Variants in PALLD observed in about 807,000 individuals in gnomAD.
PALLD encodes palladin, cytoskeletal associated protein.
PALLD carries 61 observed loss-of-function variants against 123.5 expected under a neutral mutation model. The ratio of observed to expected loss-of-function variants is 0.49; its 90% CI spans 0.40 to 0.61. The LOEUF (loss-of-function observed/expected upper bound fraction) is 0.61, where lower values mean the gene tolerates loss of function less well. Ranked by LOEUF, PALLD falls within the 20% of genes least tolerant of loss-of-function variation. The pLI is 0.00. For missense variants in PALLD, 1,273 were observed against 1,377.0 expected (o/e 0.92, Z 1.20); for synonymous variants, 465 against 496.4 (o/e 0.94, Z 0.84).
chr4:168,593,781 C>A (rs1403435097), intron 2 of PALLD, among the ~76,000 whole-genome samples: 1 of 152,168 alleles, frequency 6.6e-6, no homozygotes, highest in African/African-American at 2.4e-5. Context: ...CCAAAAATCC[C>A]ATGTAAGTCC....
intron 17 of PALLD, among the ~76,000 whole-genome samples, chr4:168,921,074 A>G (rs17543365): frequency 0.012 from 1,760 of 152,232 alleles, 20 homozygotes; most frequent in South Asian, 0.054. Context: ...GTTTAAAGCA[A>G]AAGTTTTAAG....
chr4:168,868,799 CTA>C (rs1225927257), intron 10 of PALLD, among the ~76,000 whole-genome samples: 1 of 152,146 alleles, frequency 6.6e-6, no homozygotes, highest in Non-Finnish European at 1.5e-5. Flanking sequence ...AGGATACAGT[CTA>C]TGTTTTGAAA....
chr4:168,825,709 A>C (rs1440000286), intron 10 of PALLD, among the ~76,000 whole-genome samples: 2 of 151,228 alleles, frequency 1.3e-5, no homozygotes, highest in African/African-American at 4.8e-5. Context: ...CACCCTAAGC[A>C]GCTCCATTGC....
intron 1 of PALLD, among the ~76,000 whole-genome samples, chr4:168,500,423 A>G (rs1761277168): frequency 6.6e-6 from 1 of 151,938 alleles, no homozygotes; most frequent in African/African-American, 2.4e-5. Context: ...GAATGCAGTG[A>G]CCTGATCATC....
chr4:168,735,881 T>C (rs1429077555), intron 10 of PALLD, among the ~76,000 whole-genome samples: 1 of 152,192 alleles, frequency 6.6e-6, no homozygotes, highest in Non-Finnish European at 1.5e-5. Context: ...ACCTCCCACA[T>C]TTGCAAATTA....
chr4:168,822,920 T>C (rs564274720), intron 10 of PALLD, among the ~76,000 whole-genome samples: 3 of 152,188 alleles, frequency 2.0e-5, no homozygotes, highest in Admixed American at 6.5e-5. Context: ...AGCTTGTCTT[T>C]ATATCTAATG....
intron 1 of PALLD, among the ~76,000 whole-genome samples, chr4:168,500,186 G>T (rs1343127933): frequency 6.6e-6 from 1 of 152,182 alleles, no homozygotes; most frequent in Non-Finnish European, 1.5e-5. Flanking sequence ...CTTCCAAGCT[G>T]TTATGTAGGA....
intron 10 of PALLD, among the ~76,000 whole-genome samples, chr4:168,754,035 AG>A (rs1453645208): frequency 1.3e-5 from 2 of 152,246 alleles, no homozygotes; most frequent in African/African-American, 2.4e-5. Context: ...TTAAAAGAAA[AG>A]TCAGAAATCT....
At chr4:168,789,974 G>A (rs1395190267) in intron 10 of PALLD, among the ~76,000 whole-genome samples, 1 of 151,818 alleles carries the variant, frequency 6.6e-6, no homozygotes, top group Admixed American at 6.6e-5. Context: ...AAATTTAAAC[G>A]GTATCTTCCT....
intron 10 of PALLD, among the ~76,000 whole-genome samples, chr4:168,883,937 G>A (rs1279226688): frequency 8.6e-6 from 1 of 116,940 alleles, no homozygotes; most frequent in Non-Finnish European, 1.9e-5. Flanking sequence ...TTTTTTAATT[G>A]TGCAAACCAT....
chr4:168,849,470 G>A (rs561100229), intron 10 of PALLD, among the ~76,000 whole-genome samples: 47 of 152,270 alleles, frequency 3.1e-4, no homozygotes, highest in Non-Finnish European at 5.3e-4. Context: ...TGTATATTTT[G>A]GCACTGAAAC....
intron 2 of PALLD, among the ~76,000 whole-genome samples, chr4:168,606,343 C>T (rs542220669): frequency 7.2e-5 from 11 of 152,254 alleles, no homozygotes; most frequent in East Asian, 1.9e-4. Flanking sequence ...CTACTTGCCC[C>T]GCGTCAGCTG....
intron 2 of PALLD, among the ~76,000 whole-genome samples, chr4:168,589,461 A>G (rs1771181390): frequency 6.6e-6 from 1 of 152,134 alleles, no homozygotes; most frequent in Non-Finnish European, 1.5e-5. Flanking sequence ...TGCGACTATC[A>G]GTGCCTATAC....
intron 10 of PALLD, among the ~76,000 whole-genome samples, chr4:168,848,089 A>C (rs11724696): frequency 0.35 from 52,048 of 150,424 alleles, 9,978 homozygotes; most frequent in African/African-American, 0.5. Context: ...AAGTTCCTGG[A>C]GAGTGGTCCT....
intron 13 of PALLD, among the ~76,000 whole-genome samples, chr4:168,897,357 CTGAG>C (rs1755433731): frequency 6.6e-6 from 1 of 152,312 alleles, no homozygotes; most frequent in African/African-American, 2.4e-5. Context: ...TTTTTAAACA[CTGAG>C]TAACTTCTTT....
At chr4:168,564,659 G>C (rs1269481836) in intron 2 of PALLD, among the ~76,000 whole-genome samples, 1 of 152,056 alleles carries the variant, frequency 6.6e-6, no homozygotes, top group African/African-American at 2.4e-5. Context: ...TAAACCTATG[G>C]TAATAAAATA....
chr4:168,844,132 A>C lies in PALLD; in HGVS notation c.1965-46790A>C, dbSNP rs1396213800. 1 of 152,182 alleles carries C rather than the reference A, an allele frequency of 6.6e-6. No homozygotes were observed. The highest frequency in any genetic ancestry group is 1.5e-5 in the Non-Finnish European group (1 of 68,026). The allele number at this position is 152,182 out of a possible 1,614,324, so 9.4% of individuals were successfully genotyped here. ...GGAAAGTCACGTATCTGGTTGTGCA[A>C]ATCAAAGAGCTTTGACAGTTTGTTT... is the stretch of plus-strand genomic sequence containing the variant. On this transcript the variant is annotated intron_variant, in intron 10 of 21. Transcript: ENST00000505667. The surrounding 1 kb of genome is among the most constrained non-coding windows in gnomAD (Gnocchi z 4.5).
At chr4:168,532,185 G>A (rs1444856975) in intron 2 of PALLD, among the ~76,000 whole-genome samples, 2 of 152,224 alleles carry the variant, frequency 1.3e-5, no homozygotes, top group East Asian at 1.9e-4. Flanking sequence ...AGAAGGTGCG[G>A]TATTTGGTTT....
intron 2 of PALLD, among the ~76,000 whole-genome samples, chr4:168,532,712 A>T (rs1764719617): frequency 6.6e-6 from 1 of 152,208 alleles, no homozygotes; most frequent in African/African-American, 2.4e-5. Context: ...AGGAAAAGAC[A>T]TCATAAATAG....
Sources: gnomAD v4.1 joint callset for allele counts (sites outside exome capture counted in the v4.1 genomes callset) on GRCh38, gnomAD v4.1.1 for gene constraint, Gnocchi (gnomAD v3.1) non-coding constraint, MANE v1.5 for transcripts, NCBI Gene and HGNC (gene_info 2026-07-23, HGNC 2026-07-21) for gene names.